Variants in MAGI2 observed in about 807,000 individuals in gnomAD.
The protein encoded by MAGI2 is membrane-associated guanylate kinase, WW and PDZ domain-containing protein 2.
In MAGI2, 35 loss-of-function variants were observed where a neutral mutation model predicts 133.3. The ratio of observed to expected loss-of-function variants is 0.26; its 90% CI spans 0.20 to 0.35. MAGI2 has a LOEUF of 0.35. MAGI2 is among the 10% of genes least tolerant of loss of function. The pLI is 1.00. For synonymous variants in MAGI2, 729 were observed against 710.6 expected (o/e 1.03, Z -0.41); for missense variants, 1,636 against 1,863.4 (o/e 0.88, Z 2.25).
chr7:78,379,732 A>G (rs867605542), intron 6 of MAGI2, among the ~76,000 whole-genome samples: 1 of 152,040 alleles, frequency 6.6e-6, no homozygotes, highest in African/African-American at 2.4e-5. Flanking sequence ...CCAATTTCAT[A>G]CTACAATAAT....
At chr7:78,472,045 A>G (rs900779488) in intron 6 of MAGI2, among the ~76,000 whole-genome samples, 1 of 152,036 alleles carries the variant, frequency 6.6e-6, no homozygotes, top group Non-Finnish European at 1.5e-5. Context: ...TCCAGAGCCT[A>G]TGTTCTTACG....
intron 5 of MAGI2, among the ~76,000 whole-genome samples, chr7:78,497,742 A>ATCTGTCTGTCTGTCTG (rs1234566826): frequency 1.7e-5 from 2 of 120,228 alleles, no homozygotes; most frequent in South Asian, 2.6e-4. Context: ...CTATCTATCT[A>ATCTGTCTGTCTGTCTG]TCTATCTATC....
chr7:79,396,072 T>A (rs1305197436), intron 1 of MAGI2, among the ~76,000 whole-genome samples: 1 of 152,178 alleles, frequency 6.6e-6, no homozygotes, highest in African/African-American at 2.4e-5. Flanking sequence ...AGCTATGTTA[T>A]CCCATCATTT....
chr7:78,637,022 T>C (rs1397264213), intron 2 of MAGI2, among the ~76,000 whole-genome samples: 1 of 152,184 alleles, frequency 6.6e-6, no homozygotes. Context: ...GGAGAACCAC[T>C]GCTCCAATTT....
intron 2 of MAGI2, among the ~76,000 whole-genome samples, chr7:79,004,965 C>A (rs1270436579): frequency 6.6e-6 from 1 of 151,882 alleles, no homozygotes; most frequent in African/African-American, 2.4e-5. Context: ...GCCTGTAATC[C>A]CAGCTACTCA....
At chr7:78,126,413 C>T (rs1372969318) in intron 19 of MAGI2, among the ~76,000 whole-genome samples, 2 of 152,148 alleles carry the variant, frequency 1.3e-5, no homozygotes, top group Non-Finnish European at 2.9e-5. Context: ...TAAAGTTGAT[C>T]TTCAATTCAT....
chr7:79,255,398 A>AG (rs1432770172), intron 1 of MAGI2, among the ~76,000 whole-genome samples: 1 of 152,158 alleles, frequency 6.6e-6, no homozygotes, highest in African/African-American at 2.4e-5. Flanking sequence ...ATGAAGTGTA[A>AG]GGTATTGTAA....
At chr7:79,123,884 G>A (rs543728472) in intron 1 of MAGI2, among the ~76,000 whole-genome samples, 24 of 149,096 alleles carry the variant, frequency 1.6e-4, no homozygotes, top group African/African-American at 4.9e-4. Flanking sequence ...TATTTTACTC[G>A]TTCTTTTAGT....
intron 6 of MAGI2, among the ~76,000 whole-genome samples, chr7:78,436,985 G>T (rs988492570): frequency 6.6e-6 from 1 of 152,144 alleles, no homozygotes; most frequent in African/African-American, 2.4e-5. Flanking sequence ...ACTCTCTAAG[G>T]CTGATCTATA....
At chr7:79,149,379 A>G (rs78511123) in intron 1 of MAGI2, among the ~76,000 whole-genome samples, 2,501 of 151,878 alleles carry the variant, frequency 0.016, 72 homozygotes, top group African/African-American at 0.057. Flanking sequence ...CTCCTCTCAT[A>G]ACATGATTTT....
intron 9 of MAGI2, among the ~76,000 whole-genome samples, chr7:78,292,372 A>T (rs1796806737): frequency 6.6e-6 from 1 of 152,218 alleles, no homozygotes; most frequent in Admixed American, 6.5e-5. Flanking sequence ...AATCCAACTT[A>T]CAAGGGATGT....
chr7:79,409,515 T>C (rs1846019429), intron 1 of MAGI2, among the ~76,000 whole-genome samples: 1 of 152,148 alleles, frequency 6.6e-6, no homozygotes, highest in Non-Finnish European at 1.5e-5. Flanking sequence ...AAGTGATTGC[T>C]ACAACAAATA....
intron 3 of MAGI2, among the ~76,000 whole-genome samples, chr7:78,553,816 G>T (rs899973809): frequency 2.0e-5 from 3 of 152,140 alleles, no homozygotes; most frequent in Non-Finnish European, 4.4e-5. Context: ...TTTTAATTGT[G>T]TCTGCTATGA....
intron 1 of MAGI2, among the ~76,000 whole-genome samples, chr7:79,378,068 T>C (rs983509561): frequency 3.3e-5 from 5 of 151,810 alleles, no homozygotes; most frequent in African/African-American, 4.8e-5. Context: ...TCCTTCTAAG[T>C]TCTCAAATTT....
At chr7:79,206,926 A>C (rs575545002) in intron 1 of MAGI2, among the ~76,000 whole-genome samples, 1 of 151,994 alleles carries the variant, frequency 6.6e-6, no homozygotes, top group South Asian at 2.1e-4. Context: ...TATATCAACA[A>C]AGGTGAAACA....
intron 3 of MAGI2, among the ~76,000 whole-genome samples, chr7:78,579,280 G>A (rs1802592502): frequency 6.6e-6 from 1 of 152,152 alleles, no homozygotes. Flanking sequence ...CCTAGAGAAG[G>A]TGCTAAATAC....
At position 79,316,333 on chromosome 7, in the gene MAGI2, T is replaced by C. The variant is rs143116381; in HGVS notation, c.301+136687A>G. On this transcript the variant is annotated intron_variant, in intron 1 of 21. Transcript: ENST00000354212. ...TTCAAATAAATGATATTTTATAGAA[T>C]AGGAATAACAACACCAGTATTAATA... Among the ~76,000 whole-genome samples, 244 of 152,260 alleles carry C rather than the reference T, an allele frequency of 1.6e-3. 1 individual carries two copies. The highest frequency in any genetic ancestry group is 5.4e-3 in the African/African-American group (223 of 41,556).
At chr7:78,719,520 G>A (rs1000956832) in intron 2 of MAGI2, among the ~76,000 whole-genome samples, 11 of 152,274 alleles carry the variant, frequency 7.2e-5, no homozygotes, top group South Asian at 4.1e-4. Flanking sequence ...AAACCACTAC[G>A]TTTAAAAAAA....
At chr7:78,085,700 T>G (rs1162201396) in intron 20 of MAGI2, among the ~76,000 whole-genome samples, 4 of 152,034 alleles carry the variant, frequency 2.6e-5, no homozygotes, top group Non-Finnish European at 5.9e-5. Flanking sequence ...TCATCAAGGT[T>G]CTGCCTAAGC....
Sources: allele counts gnomAD v4.1 joint callset (sites outside exome capture counted in the v4.1 genomes callset), GRCh38; gene constraint gnomAD v4.1.1; transcripts MANE v1.5; gene names NCBI Gene and HGNC (gene_info 2026-07-23, HGNC 2026-07-21).